ACCS: variants seen among roughly 807,000 people sequenced by gnomAD.
ACCS encodes the protein 1-aminocyclopropane-1-carboxylate synthase homolog (inactive).
In ACCS, 42 loss-of-function variants were observed where a neutral mutation model predicts 59.8. The observed-to-expected ratio is 0.70, with a 90% CI of 0.55 to 0.91. ACCS has a LOEUF of 0.91. Ranked by LOEUF, ACCS falls within the 40% of genes least tolerant of loss-of-function variation. ACCS has a pLI of 0.00. For synonymous variants in ACCS, 230 were observed against 240.3 expected, an observed-to-expected ratio of 0.96 and a Z score of 0.40; for missense variants, 602 against 630.4, an observed-to-expected ratio of 0.95 and a Z score of 0.48.
Position 44,071,278 on chromosome 11 carries a change from G to A in ACCS, c.311G>A (p.Ser104Asn), listed in dbSNP as rs1434022066. The change falls in exon 3 of 15, where the codon AGT (serine) becomes AAT (asparagine). Residue 104 changes from serine (S) to asparagine (N), a missense_variant. Ser to Asn is a conservative substitution (Grantham distance 46). Coordinates refer to ENST00000263776, the MANE Select transcript of ACCS (RefSeq NM_032592.4). ...CAGGGCATCATTAACTTGGGCACCAGTGAGAACAAACTCTGCTTTGACCTG... is the reference window on the plus strand; with the variant it reads ...CAGGGCATCATTAACTTGGGCACCAATGAGAACAAACTCTGCTTTGACCTG... The part of the protein sequence containing the change: ...NPSGIINLGT[S>N]ENKLCFDLLS... The A allele has an allele frequency of 3.7e-6, 6 of 1,614,150 alleles. No individual in the cohort carries two copies. Among genetic ancestry groups the A allele is most frequent in the Non-Finnish European group, 5.1e-6 (6 of 1,180,024 alleles).
At position 44,079,454 on chromosome 11, in the gene ACCS, T is replaced by G. The variant is rs577101730; in HGVS notation, c.834-77T>G. The G allele has an allele frequency of 3.2e-6, 4 of 1,239,098 alleles. No individual in the cohort carries two copies. The African/African-American group carries it at 4.4e-5, about 14-fold the overall frequency. 76.8% of individuals were successfully genotyped at this position (1,239,098 alleles called of 1,614,324 possible). A position where few individuals can be genotyped will look rare whatever the true frequency, so the allele number is the denominator to read the frequency against. ...GACCCCGGCCCCTCTGGATTTCTGA[T>G]GTATTACCTCCCCACCCTGTGGGAC... On this transcript the variant is annotated intron_variant, in intron 9 of 14. Coordinates refer to ENST00000263776, the MANE Select transcript of ACCS (RefSeq NM_032592.4).
rs764847227 is a variant in ACCS at position 44,075,552 on chromosome 11, G to A, written c.516G>A (p.Ser172=). 7 of 1,614,024 alleles carry A rather than the reference G, an allele frequency of 4.3e-6. No homozygotes were observed. The highest frequency in any genetic ancestry group is 2.7e-5 in the African/African-American group (2 of 74,914). The change falls in exon 6 of 15, where the codon TCG becomes TCA. Residue 172 remains serine, a synonymous_variant. Transcript: ENST00000263776. ...ENVVVLNGGA[S]LFSALATVLC... is the part of the protein sequence containing the mutation. ...TGGTTGTCCTGAATGGTGGTGCCTC[G>A]CTCTTCTCTGCTCTGGCCACGGTGC...
intron 9 of ACCS, 57 bp downstream of exon 9, chr11:44,078,841 C>G: frequency 1.3e-6 from 2 of 1,490,954 alleles, no homozygotes; most frequent in South Asian, 2.3e-5. Flanking sequence ...GGTTCCAATG[C>G]GGGTTTGGTG....
chr11:44,080,711 C>T (rs1953600136), intron 10 of ACCS: 1 of 448,590 alleles, frequency 2.2e-6, no homozygotes. Flanking sequence ...TGGCCTGGTC[C>T]CAGGGGGAGT....
rs771025807 is a variant in ACCS at position 44,083,454 on chromosome 11, ATG to A, written c.1286_1287del (p.Met429ThrfsTer22). 1 of 1,614,192 alleles carries A rather than the reference ATG, an allele frequency of 6.2e-7. No individual in the cohort carries two copies. The highest frequency in any genetic ancestry group is 8.5e-7 in the Non-Finnish European group (1 of 1,180,026). On this transcript the variant is annotated frameshift_variant, in exon 14 of 15. Coordinates refer to ENST00000263776, the MANE Select transcript of ACCS (RefSeq NM_032592.4). LOFTEE classifies it high-confidence loss of function. ...GCCCAAGGGCACCTTTGAGGAGGAA[ATG>A]CTGCTCTGGCGCCGCTTTTTGGACA... ...YLPKGTFEEE[M>X]LLWRRFLDNK...
At position 44,071,176 on chromosome 11, in the gene ACCS, G is replaced by A. The variant is rs150764409; in HGVS notation, c.289-80G>A. The A allele has an allele frequency of 1.7e-4, 250 of 1,486,786 alleles. 1 individual carries two copies. In the East Asian group the frequency reaches 5.6e-3, roughly 33 times the overall value. The allele number at this position is 1,486,786 out of a possible 1,614,324, so 92.1% of individuals were successfully genotyped here. On this transcript the variant is annotated intron_variant, in intron 2 of 14. Transcript: ENST00000263776. ...TTGTAGAGAGCTCCCACTTTGCTTT[G>A]CTGCCTCCATGGGCTCCTGGGGCCT... is the stretch of plus-strand genomic sequence containing the variant.
intron 9 of ACCS, 131 bp downstream of exon 9, chr11:44,078,915 T>C (rs532693682): frequency 1.0e-4 from 70 of 691,242 alleles, no homozygotes; most frequent in Non-Finnish European, 1.6e-4. Flanking sequence ...TCCTTGGCAG[T>C]GGAGCGGGGA....
Position 44,083,227 on chromosome 11 carries a change from C to T in ACCS, c.1170C>T (p.Thr390=). 6.2e-7 allele frequency: 1 copy of T among 1,614,214 alleles called. No individual in the cohort carries two copies. Among genetic ancestry groups the T allele is most frequent in the South Asian group, 1.1e-5 (1 of 91,074 alleles). ...ATGCCCGGCTCAAGGCTGCCCACAC[C>T]TATGTCTCAGAAGAGCTTAGGGCAT... ...ENHARLKAAH[T]YVSEELRALG... is the part of the protein sequence containing the mutation. The change falls in exon 13 of 15, where the codon ACC becomes ACT. Residue 390 remains threonine (T), a synonymous_variant. Coordinates refer to ENST00000263776, the MANE Select transcript of ACCS (RefSeq NM_032592.4).
chr11:44,069,093 G>C (rs1332279360), intron 2 of ACCS, among the ~76,000 whole-genome samples: 17 of 152,212 alleles, frequency 1.1e-4, no homozygotes, highest in Admixed American at 9.8e-4. Context: ...AAAAGTGAGG[G>C]ATTGTGTTAG....
rs191827059 is a variant in ACCS at position 44,070,913 on chromosome 11, T to G, written c.289-343T>G. ...GGGAGCTTACCCTCAGTACGGGAGA[T>G]ACGGTGTGTACCTCAGTCCCTGTGA... is the stretch of plus-strand genomic sequence containing the variant. On this transcript the variant is annotated intron_variant, in intron 2 of 14. Transcript: ENST00000263776. Among the ~76,000 whole-genome samples, 99 of 152,282 alleles carry G rather than the reference T, an allele frequency of 6.5e-4. 1 individual carries two copies. The highest frequency in any genetic ancestry group is 2.3e-3 in the African/African-American group (95 of 41,566).
chr11:44,082,256 GC>G (rs1182115946), intron 12 of ACCS: 5 of 152,176 alleles, frequency 3.3e-5, no homozygotes, highest in African/African-American at 1.2e-4. Context: ...ACATACACTT[GC>G]CAAGTGATTC....
At chr11:44,071,224 G>A in intron 2 of ACCS, 32 bp from the exon 3 acceptor site, 1 of 1,613,542 alleles carries the variant, frequency 6.2e-7, no homozygotes, top group Non-Finnish European at 8.5e-7. Flanking sequence ...CCCCTGCCAT[G>A]CTAACTCTGC....
intron 1 of ACCS, 69 bp from the exon 2 acceptor site, chr11:44,067,559 C>T: frequency 6.7e-7 from 1 of 1,497,114 alleles, no homozygotes; most frequent in Non-Finnish European, 9.0e-7. Flanking sequence ...CCCATGACTC[C>T]AACTCCTTTC....
At chr11:44,078,135 G>C (rs1404582427) in intron 8 of ACCS, 2 of 589,806 alleles carry the variant, frequency 3.4e-6, no homozygotes, top group African/African-American at 3.7e-5. Flanking sequence ...TCAGACCTCA[G>C]TTCACAGAGA....
chr11:44,079,711 GC>G, intron 10 of ACCS, 91 bp downstream of exon 10: 2 of 1,158,366 alleles, frequency 1.7e-6, no homozygotes, highest in Non-Finnish European at 2.5e-6. Context: ...GGCATGGCCT[GC>G]CCAGAGCAAT....
chr11:44,074,811 T>C, intron 5 of ACCS, 130 bp downstream of exon 5: 2 of 340,438 alleles, frequency 5.9e-6, no homozygotes, highest in Non-Finnish European at 9.1e-6. Context: ...TCCTTCCTTC[T>C]CTTTTTTTTT....
intron 4 of ACCS, among the ~76,000 whole-genome samples, chr11:44,074,175 T>C (rs1235395928): frequency 2.6e-5 from 4 of 152,130 alleles, no homozygotes; most frequent in Admixed American, 2.6e-4. Context: ...TTTCTTTGCC[T>C]GTACAATGGG....
At chr11:44,077,037 C>T (rs899063909) in intron 6 of ACCS, among the ~76,000 whole-genome samples, 2 of 152,190 alleles carry the variant, frequency 1.3e-5, no homozygotes. Flanking sequence ...TCCTATGACG[C>T]AGGGGAATTA....
intron 3 of ACCS, chr11:44,073,222 G>T: frequency 8.1e-4 from 388 of 477,162 alleles, no homozygotes; most frequent in East Asian, 1.2e-3. Flanking sequence ...TTGGGTTTTT[G>T]TCTCAGCTCT....
Sources: allele counts gnomAD v4.1 joint callset (sites outside exome capture counted in the v4.1 genomes callset), GRCh38; gene constraint gnomAD v4.1.1; transcripts MANE v1.5; gene names NCBI Gene and HGNC (gene_info 2026-07-23, HGNC 2026-07-21).